WDFY2: variants seen among roughly 807,000 people sequenced by gnomAD.
WDFY2 encodes the protein WD repeat and FYVE domain-containing protein 2.
Under a neutral mutation model 56.4 loss-of-function variants are expected in WDFY2, and 36 were observed. The observed-to-expected ratio is 0.64, with a 90% CI of 0.49 to 0.84. The LOEUF (loss-of-function observed/expected upper bound fraction) is 0.84, where lower values mean the gene tolerates loss of function less well. Ranked by LOEUF, WDFY2 falls within the 40% of genes least tolerant of loss-of-function variation. WDFY2 has a pLI of 0.00. For synonymous variants in WDFY2, 176 were observed against 183.7 expected (o/e 0.96, Z 0.34); for missense variants, 444 against 512.2 (o/e 0.87, Z 1.29).
At chr13:51,733,567 T>C (rs1326998150) in intron 6 of WDFY2, among the ~76,000 whole-genome samples, 1 of 152,212 alleles carries the variant, frequency 6.6e-6, no homozygotes, top group Non-Finnish European at 1.5e-5. Flanking sequence ...AATAAGCCAC[T>C]GTGGCAGCAG....
chr13:51,601,627 G>A (rs186453091), intron 1 of WDFY2, among the ~76,000 whole-genome samples: 2 of 152,234 alleles, frequency 1.3e-5, no homozygotes, highest in East Asian at 3.9e-4. Context: ...CGTAGGCCAG[G>A]CTGGTCTCCA....
In WDFY2 at chr13:51,584,791, A is replaced by G; in HGVS notation, c.104A>G (p.Lys35Arg). 6.2e-7 allele frequency: 1 copy of G among 1,613,874 alleles called. No individual in the cohort carries two copies. Among genetic ancestry groups the G allele is most frequent in the Non-Finnish European group, 8.5e-7 (1 of 1,179,804 alleles). ...GTGAATATGGCCGTGATCGTGCCCA[A>G]AGAGGAGGGCGTCATCAGCGTCTCC... ...EVVNMAVIVP[K>R]EEGVISVSED... The change falls in exon 1 of 12, where the codon AAA becomes AGA. Residue 35 changes from lysine (K) to arginine (R), a missense_variant. Physicochemically the swap from Lys to Arg is conservative, Grantham distance 26 (BLOSUM62 2). Transcript: ENST00000298125.
In WDFY2 at chr13:51,707,164, T is replaced by G. The variant is rs566855589; in HGVS notation, c.334+3514T>G. On this transcript the variant is annotated intron_variant, in intron 4 of 11. Coordinates refer to ENST00000298125, the MANE Select transcript of WDFY2 (RefSeq NM_052950.4). Reference sequence around the variant, plus strand: ...AACAACATTTTTAAAGTTCTTTTTTTGGGGGGCAGCAGGGAGACAGGGTCT... The same window carrying G: ...AACAACATTTTTAAAGTTCTTTTTTGGGGGGGCAGCAGGGAGACAGGGTCT... Among the ~76,000 whole-genome samples, 54 of 152,312 alleles carry G rather than the reference T, an allele frequency of 3.5e-4. No homozygotes were observed. In the South Asian group the frequency reaches 8.3e-3, roughly 23 times the overall value.
chr13:51,673,021 A>G (rs575219783), intron 2 of WDFY2, among the ~76,000 whole-genome samples: 6 of 152,386 alleles, frequency 3.9e-5, no homozygotes, highest in Non-Finnish European at 5.9e-5. Context: ...TACAGTTCCT[A>G]TGTACCTTTG....
At chr13:51,651,327 A>G (rs1360178504) in intron 1 of WDFY2, among the ~76,000 whole-genome samples, 2 of 151,978 alleles carry the variant, frequency 1.3e-5, no homozygotes, top group Non-Finnish European at 1.5e-5. Context: ...TAGTCTTGCT[A>G]GTGGTCTATC....
At chr13:51,714,431 ACAG>A (rs1952298747) in intron 4 of WDFY2, among the ~76,000 whole-genome samples, 2 of 152,162 alleles carry the variant, frequency 1.3e-5, no homozygotes, top group Non-Finnish European at 2.9e-5. Context: ...AGCTGGAATT[ACAG>A]GCGCTTGCCA....
rs1357611414 is a variant in WDFY2 at position 51,766,044 on chromosome 13, A to G, written c.*6275A>G. On this transcript the variant is annotated 3_prime_UTR_variant, in exon 12 of 12. Coordinates refer to ENST00000298125, the MANE Select transcript of WDFY2 (RefSeq NM_052950.4). ...AAAAAAAGGGAAAATGATTTGAAAA[A>G]TGTTTCACATATACACTTTTTATCA... The G allele has an allele frequency of 6.6e-6, 1 of 152,230 alleles. No individual in the cohort carries two copies. The highest frequency in any genetic ancestry group is 1.5e-5 in the Non-Finnish European group (1 of 68,036). The allele number at this position is 152,230 out of a possible 1,614,324, so 9.4% of individuals were successfully genotyped here.
At chr13:51,668,258 G>A (rs1188093725) in intron 2 of WDFY2, among the ~76,000 whole-genome samples, 1 of 152,154 alleles carries the variant, frequency 6.6e-6, no homozygotes, top group African/African-American at 2.4e-5. Flanking sequence ...ATCTGATTAA[G>A]TACAGCATTT....
chr13:51,627,286 G>A (rs945292465), intron 1 of WDFY2, among the ~76,000 whole-genome samples: 7 of 152,192 alleles, frequency 4.6e-5, no homozygotes, highest in South Asian at 2.1e-4. Context: ...TGTGGTGAGC[G>A]GGAAGGGGCA....
Position 51,763,748 on chromosome 13 carries a change from T to C in WDFY2, c.*3979T>C, listed in dbSNP as rs998735331. Reference sequence around the variant, plus strand: ...AGGAATTCAAGGATGCAGTGAGCTATGATTGCACTACTGCAGTCCAGCCTG... The same window carrying C: ...AGGAATTCAAGGATGCAGTGAGCTACGATTGCACTACTGCAGTCCAGCCTG... On this transcript the variant is annotated 3_prime_UTR_variant, in exon 12 of 12. Transcript: ENST00000298125. 3.3e-5 allele frequency: 5 copies of C among 152,324 alleles called. No individual in the cohort carries two copies. The East Asian group carries it at 9.7e-4, about 29-fold the overall frequency. The allele number at this position is 152,324 out of a possible 1,614,324, so 9.4% of individuals were successfully genotyped here. A position where few individuals can be genotyped will look rare whatever the true frequency, so the allele number is the denominator to read the frequency against.
At chr13:51,699,288 CCCTT>C (rs1015537679) in intron 3 of WDFY2, among the ~76,000 whole-genome samples, 34 of 152,316 alleles carry the variant, frequency 2.2e-4, no homozygotes, top group African/African-American at 7.9e-4. Context: ...CCCTCTCCAT[CCCTT>C]CCTTCAGTGG....
rs191512320 is a variant in WDFY2, at chr13:51,623,690, C to T, written c.138-36906C>T. Among the ~76,000 whole-genome samples, 6 of 152,292 alleles carry T rather than the reference C, an allele frequency of 3.9e-5. No homozygotes were observed. In the East Asian group the frequency reaches 1.2e-3, roughly 29 times the overall value. ...TACCATCTATCTCTCCAGTGCACCA[C>T]GTGTCAGAATGCACATCCTGTGAAC... On this transcript the variant is annotated intron_variant, in intron 1 of 11. Transcript: ENST00000298125.
In WDFY2 at chr13:51,762,953, A is replaced by G. The variant is rs1953634660; in HGVS notation, c.*3184A>G. Reference sequence around the variant, plus strand: ...ATCTTCACAATAGCAAAATGGTTTGAGATTAAGCATTTGGAATCTTATGTC... The same window carrying G: ...ATCTTCACAATAGCAAAATGGTTTGGGATTAAGCATTTGGAATCTTATGTC... On this transcript the variant is annotated 3_prime_UTR_variant, in exon 12 of 12. Transcript: ENST00000298125. The G allele has an allele frequency of 1.3e-5, 2 of 152,202 alleles. No homozygotes were observed. The highest frequency in any genetic ancestry group is 4.1e-4 in the South Asian group (2 of 4,830). 9.4% of individuals were successfully genotyped at this position (152,202 alleles called of 1,614,324 possible).
chr13:51,716,537 A>C (rs1952350581), intron 4 of WDFY2, among the ~76,000 whole-genome samples: 1 of 151,156 alleles, frequency 6.6e-6, no homozygotes, highest in Admixed American at 6.6e-5. Context: ...CTAAAAATAC[A>C]AAAAAATTAG....
At chr13:51,729,093 G>A (rs888898624) in intron 6 of WDFY2, among the ~76,000 whole-genome samples, 5 of 152,042 alleles carry the variant, frequency 3.3e-5, no homozygotes, top group Admixed American at 1.3e-4. Context: ...GCTTCTCAGC[G>A]TTCTCAGTTC....
intron 3 of WDFY2, among the ~76,000 whole-genome samples, chr13:51,694,824 A>C (rs1451172860): frequency 6.6e-6 from 1 of 152,156 alleles, no homozygotes; most frequent in African/African-American, 2.4e-5. Context: ...TACACCAATC[A>C]GACGTAGATT....
At position 51,584,679 on chromosome 13, in the gene WDFY2, C is replaced by T; in HGVS notation, c.-9C>T. 4 of 1,609,262 alleles carry T rather than the reference C, an allele frequency of 2.5e-6. No homozygotes were observed. Among genetic ancestry groups the T allele is most frequent in the Non-Finnish European group, 8.5e-7 (1 of 1,178,380 alleles). On this transcript the variant is annotated 5_prime_UTR_variant, in exon 1 of 12. Transcript: ENST00000298125. The stretch of plus-strand genomic sequence containing the variant: ...TGGCGGCGGCGCCCCAGGCGCGCCC[C>T]CTCCTCCGATGGCGGCGGAGATCCA...
rs1355038430 is a variant in WDFY2, at chr13:51,675,223, C to A, written c.259C>A (p.Leu87Ile). 6.2e-7 allele frequency: 1 copy of A among 1,613,660 alleles called. No individual in the cohort carries two copies. The highest frequency in any genetic ancestry group is 1.7e-4 in the Middle Eastern group (1 of 6,056). ...GGAAACAAGAAGACTGTCCATAGGT[C>A]TAGACAATGGTACAATCTCAGTAAG... ...NPETRRLSIG[L>I]DNGTISEFIL... The change falls in exon 3 of 12, where the codon CTA becomes ATA. Residue 87 changes from leucine (L) to isoleucine (I), a missense_variant. Transcript: ENST00000298125.
intron 3 of WDFY2, among the ~76,000 whole-genome samples, chr13:51,687,707 G>A (rs957395657): frequency 3.3e-5 from 5 of 151,992 alleles, no homozygotes; most frequent in African/African-American, 1.2e-4. Context: ...GGACATGTTG[G>A]GGAGACATGT....
Sources: gnomAD v4.1 joint callset for allele counts (sites outside exome capture counted in the v4.1 genomes callset) on GRCh38, gnomAD v4.1.1 for gene constraint, MANE v1.5 for transcripts, NCBI Gene and HGNC (gene_info 2026-07-23, HGNC 2026-07-21) for gene names.